The following NIBAN2 variants were observed in gnomAD, a reference collection of about 807,000 sequenced individuals.
NIBAN2 encodes niban apoptosis regulator 2, also known as protein Niban 2.
Under a neutral mutation model 81.8 loss-of-function variants are expected in NIBAN2, and 36 were observed. The observed-to-expected ratio is 0.44, with a 90% CI of 0.34 to 0.58. The LOEUF is 0.58. Ranked by LOEUF, NIBAN2 falls within the 20% of genes least tolerant of loss-of-function variation. The pLI is 0.02. For synonymous variants in NIBAN2, 445 were observed against 441.6 expected, an observed-to-expected ratio of 1.01 and a Z score of -0.10; for missense variants, 897 against 1,014.1, an observed-to-expected ratio of 0.88 and a Z score of 1.57.
intron 1 of NIBAN2, among the ~76,000 whole-genome samples, chr9:127,535,819 A>C (rs1349946567): frequency 6.6e-6 from 1 of 151,858 alleles, no homozygotes; most frequent in Non-Finnish European, 1.5e-5. Flanking sequence ...CAGGCCTGGC[A>C]CAAGCAGATG....
intron 1 of NIBAN2, among the ~76,000 whole-genome samples, chr9:127,566,054 C>T (rs1837854058): frequency 6.6e-6 from 1 of 151,796 alleles, no homozygotes; most frequent in Non-Finnish European, 1.5e-5. Context: ...ATCACTTGAG[C>T]CCAGGAGGTC....
At position 127,507,812 on chromosome 9, in the gene NIBAN2, A is replaced by C; in HGVS notation, c.1654+55T>G. 1.3e-6 allele frequency: 2 copies of C among 1,521,710 alleles called. No individual in the cohort carries two copies. The highest frequency in any genetic ancestry group is 1.8e-6 in the Non-Finnish European group (2 of 1,097,108). The allele number at this position is 1,521,710 out of a possible 1,614,324, so 94.3% of individuals were successfully genotyped here. ...ACCCCCTCAGCTGCCACCACTTCTC[A>C]GCTGCGCCCCCAGCATCCTCCTGGC... On this transcript the variant is annotated intron_variant, in intron 13 of 13. Coordinates refer to ENST00000373312, the MANE Select transcript of NIBAN2 (RefSeq NM_022833.4). This position sits in a 1 kb window ranked among gnomAD's most constrained non-coding sequence, Gnocchi z 6.8.
chr9:127,522,886 C>T (rs1416089810), intron 5 of NIBAN2, among the ~76,000 whole-genome samples: 2 of 151,786 alleles, frequency 1.3e-5, no homozygotes, highest in Non-Finnish European at 2.9e-5. Flanking sequence ...AGGTTGGCTC[C>T]ACCCAGCACC....
At chr9:127,528,663 A>C (rs948861463) in intron 2 of NIBAN2, among the ~76,000 whole-genome samples, 1 of 152,144 alleles carries the variant, frequency 6.6e-6, no homozygotes, top group Non-Finnish European at 1.5e-5. Context: ...CGGGTATAAA[A>C]ATATTTACAG....
chr9:127,545,313 T>TC lies in NIBAN2; in HGVS notation c.56-13536dup, dbSNP rs757026432. On this transcript the variant is annotated intron_variant, in intron 1 of 13. Transcript: ENST00000373312. The surrounding 1 kb of genome is among the most constrained non-coding windows in gnomAD (Gnocchi z 4.7). The stretch of plus-strand genomic sequence containing the variant: ...TCCACTCCCACAGCCCCTGGCCTGC[T>TC]CCCCGGCACTCCCCTCAACCACAGT... Among the ~76,000 whole-genome samples, 5 of 151,892 alleles carry TC rather than the reference T, an allele frequency of 3.3e-5. No individual in the cohort carries two copies. Among genetic ancestry groups the TC allele is most frequent in the Non-Finnish European group, 5.9e-5 (4 of 67,980 alleles).
intron 1 of NIBAN2, among the ~76,000 whole-genome samples, chr9:127,561,738 C>T (rs1024110723): frequency 3.9e-5 from 6 of 152,258 alleles, no homozygotes; most frequent in Non-Finnish European, 8.8e-5. Context: ...GGGGTGGACA[C>T]TTCCTGTTCT....
chr9:127,559,748 G>A lies in NIBAN2; in HGVS notation c.55+9072C>T, dbSNP rs1837737412. Among the ~76,000 whole-genome samples, 1 of 152,052 alleles carries A rather than the reference G, an allele frequency of 6.6e-6. No individual in the cohort carries two copies. The highest frequency in any genetic ancestry group is 2.1e-4 in the South Asian group (1 of 4,820). ...CTCCTGGATGCCCAGTTACTCCCTG[G>A]GCCCCCACCCCTGCACGTGGACCCT... is the stretch of plus-strand genomic sequence containing the variant. On this transcript the variant is annotated intron_variant, in intron 1 of 13. Coordinates refer to ENST00000373312, the MANE Select transcript of NIBAN2 (RefSeq NM_022833.4). The surrounding 1 kb of genome is among the most constrained non-coding windows in gnomAD (Gnocchi z 4.0).
At chr9:127,572,933 A>G (rs1837965169), upstream of NIBAN2, among the ~76,000 whole-genome samples, 1 of 152,050 alleles carries the variant, frequency 6.6e-6, no homozygotes, top group African/African-American at 2.4e-5. Context: ...TTGTAGTCCC[A>G]GCTACTAGGA....
intron 8 of NIBAN2, among the ~76,000 whole-genome samples, chr9:127,510,695 A>G (rs1377165755): frequency 6.6e-6 from 1 of 151,936 alleles, no homozygotes; most frequent in Non-Finnish European, 1.5e-5. Flanking sequence ...TCGGCCTCCC[A>G]AAGTGCTGGG....
upstream of NIBAN2, among the ~76,000 whole-genome samples, chr9:127,571,040 G>A (rs1187082214): frequency 6.6e-6 from 1 of 152,276 alleles, no homozygotes; most frequent in Admixed American, 6.5e-5. Flanking sequence ...TGCAGGGTCT[G>A]TTCTGCCCAG....
intron 5 of NIBAN2, among the ~76,000 whole-genome samples, chr9:127,520,367 A>G (rs1415586377): frequency 6.6e-6 from 1 of 150,944 alleles, no homozygotes; most frequent in Non-Finnish European, 1.5e-5. Context: ...GCTCCCAAGT[A>G]GCTGGGACTA....
chr9:127,521,789 G>A (rs1051182427), intron 5 of NIBAN2, among the ~76,000 whole-genome samples: 1 of 152,102 alleles, frequency 6.6e-6, no homozygotes, highest in African/African-American at 2.4e-5. Flanking sequence ...CCTCCCTCTG[G>A]TCCACTGCAC....
At chr9:127,540,306 G>C (rs181129639) in intron 1 of NIBAN2, among the ~76,000 whole-genome samples, 5 of 152,346 alleles carry the variant, frequency 3.3e-5, no homozygotes, top group Non-Finnish European at 7.3e-5. Context: ...CAGGCCCACT[G>C]TGCAGATAGG....
chr9:127,547,407 C>T (rs1230906509), intron 1 of NIBAN2, among the ~76,000 whole-genome samples: 1 of 152,134 alleles, frequency 6.6e-6, no homozygotes, highest in Non-Finnish European at 1.5e-5. Context: ...ATCCCAACTG[C>T]TCGGAAGGTT....
chr9:127,508,530 G>C lies in NIBAN2; in HGVS notation c.1326C>G (p.Asp442Glu). ...GGGTCTCGAACGTATACACGGCATT[G>C]TCCATTTGCTGCAGGGCATACCGCG... ...RAQIHMREQM[D>E]NAVYTFETLL... Residue 442 changes from aspartate (D) to glutamate (E), a missense_variant, in exon 11 of 14, where the codon GAC becomes GAG. Transcript: ENST00000373312. The surrounding 1 kb of genome is among the most constrained non-coding windows in gnomAD (Gnocchi z 6.4). 2.5e-6 allele frequency: 4 copies of C among 1,613,538 alleles called. No individual in the cohort carries two copies. Among genetic ancestry groups the C allele is most frequent in the Non-Finnish European group, 3.4e-6 (4 of 1,179,718 alleles).
Position 127,505,465 on chromosome 9 carries a change from A to G in NIBAN2, c.*1380T>C, listed in dbSNP as rs909293271. ...CACTAGAGGCGCAGATCTTCGGGAC[A>G]AGAGGGAAGAGATGCGCCAGAGACC... On this transcript the variant is annotated 3_prime_UTR_variant, in exon 14 of 14. Coordinates refer to ENST00000373312, the MANE Select transcript of NIBAN2 (RefSeq NM_022833.4). 1.3e-5 allele frequency: 2 copies of G among 152,710 alleles called. No individual in the cohort carries two copies. The highest frequency in any genetic ancestry group is 2.9e-5 in the Non-Finnish European group (2 of 68,086). The allele number at this position is 152,710 out of a possible 1,614,324, so 9.5% of individuals were successfully genotyped here.
intron 1 of NIBAN2, among the ~76,000 whole-genome samples, chr9:127,577,534 C>T: frequency 6.8e-6 from 1 of 146,590 alleles, no homozygotes; most frequent in African/African-American, 2.5e-5. Flanking sequence ...ACGCTTCCCA[C>T]ACCATCCTCC....
intron 1 of NIBAN2, among the ~76,000 whole-genome samples, chr9:127,577,432 C>T (rs887271651): frequency 4.0e-5 from 6 of 151,216 alleles, no homozygotes; most frequent in African/African-American, 1.5e-4. Flanking sequence ...CTTCCCACAC[C>T]ATCCTCCAGA....
chr9:127,553,668 C>G (rs1004300981), intron 1 of NIBAN2, among the ~76,000 whole-genome samples: 1 of 152,214 alleles, frequency 6.6e-6, no homozygotes, highest in African/African-American at 2.4e-5. Context: ...TCTGGCCACC[C>G]AAGTTCTATG....
Sources: gnomAD v4.1 joint callset for allele counts (sites outside exome capture counted in the v4.1 genomes callset) on GRCh38, gnomAD v4.1.1 for gene constraint, Gnocchi (gnomAD v3.1) non-coding constraint, MANE v1.5 for transcripts, NCBI Gene and HGNC (gene_info 2026-07-23, HGNC 2026-07-21) for gene names.